NPAS3: variants seen among roughly 807,000 people sequenced by gnomAD.
The protein encoded by NPAS3 is neuronal PAS domain protein 3.
A neutral mutation model predicts 73.1 loss-of-function variants in NPAS3; 14 were observed. The observed-to-expected ratio is 0.19, with a 90% CI of 0.13 to 0.30. The LOEUF (loss-of-function observed/expected upper bound fraction) is 0.30, where lower values mean the gene tolerates loss of function less well. Ranked by LOEUF, NPAS3 falls within the 10% of genes least tolerant of loss-of-function variation. The pLI is 1.00. For synonymous variants in NPAS3, 620 were observed against 541.5 expected, an observed-to-expected ratio of 1.14 and a Z score of -2.01; for missense variants, 1,096 against 1,250.0, an observed-to-expected ratio of 0.88 and a Z score of 1.86.
intron 4 of NPAS3, among the ~76,000 whole-genome samples, chr14:33,433,008 A>C (rs573259748): frequency 3.3e-5 from 5 of 152,214 alleles, no homozygotes; most frequent in Admixed American, 3.3e-4. Context: ...AAATATAGAA[A>C]TCTTTGCTTT....
At chr14:33,492,611 T>C (rs1178821731) in intron 4 of NPAS3, among the ~76,000 whole-genome samples, 3 of 152,186 alleles carry the variant, frequency 2.0e-5, no homozygotes, top group Non-Finnish European at 4.4e-5. Context: ...GAATGTAATA[T>C]GTAAATAGGA....
At chr14:33,342,106 A>C (rs192440935) in intron 3 of NPAS3, among the ~76,000 whole-genome samples, 1 of 152,254 alleles carries the variant, frequency 6.6e-6, no homozygotes, top group East Asian at 1.9e-4. Flanking sequence ...ATTGGGTCTA[A>C]CATATCGCAA....
At chr14:33,410,975 C>A (rs1352735972) in intron 4 of NPAS3, among the ~76,000 whole-genome samples, 6 of 152,112 alleles carry the variant, frequency 3.9e-5, no homozygotes, top group Admixed American at 2.0e-4. Flanking sequence ...TCTAACTCTG[C>A]TCAGTGTTTG....
At chr14:33,707,339 CT>C (rs60633048) in intron 6 of NPAS3, among the ~76,000 whole-genome samples, 15,066 of 95,174 alleles carry the variant, frequency 0.16, 926 homozygotes, top group South Asian at 0.3. Context: ...TCTTTTTCTT[CT>C]TTTTTTTTTT....
chr14:33,521,421 G>C (rs1566969424), intron 4 of NPAS3, among the ~76,000 whole-genome samples: 1 of 151,172 alleles, frequency 6.6e-6, no homozygotes, highest in Non-Finnish European at 1.5e-5. Context: ...TGACAATGGT[G>C]AAGACTTATC....
In NPAS3 at chr14:33,774,491, G is replaced by A. The variant is rs1451127243; in HGVS notation, c.1007G>A (p.Arg336Gln). The A allele has an allele frequency of 1.7e-5, 27 of 1,613,984 alleles. No homozygotes were observed. In the Admixed American group the frequency reaches 3.0e-4, roughly 18 times the overall value. ...ATTGACTGCCATATGTTCGTCACTC[G>A]AGTAAATATGGACCTCAATATCATT... Residue 336 changes from arginine (R) to glutamine (Q), a missense_variant, in exon 8 of 12, where the codon CGA becomes CAA. Arg to Gln is a conservative substitution (Grantham distance 43). This residue lies in a region of NPAS3 where 114 missense variants were observed against 220.3 expected (regional missense o/e 0.52). Coordinates refer to ENST00000356141, the Ensembl canonical transcript of NPAS3.
chr14:33,527,995 C>A (rs1287812900), intron 4 of NPAS3, among the ~76,000 whole-genome samples: 2 of 152,078 alleles, frequency 1.3e-5, no homozygotes, highest in African/African-American at 4.8e-5. Context: ...GGACCTAAAA[C>A]CTGCCACACC....
chr14:33,030,352 A>C (rs1360065613), intron 1 of NPAS3, among the ~76,000 whole-genome samples: 1 of 152,226 alleles, frequency 6.6e-6, no homozygotes, highest in Non-Finnish European at 1.5e-5. Flanking sequence ...TTCAAAGTGC[A>C]GAAAATATTA....
chr14:33,762,423 T>A (rs1299288219), intron 7 of NPAS3, among the ~76,000 whole-genome samples: 1 of 152,216 alleles, frequency 6.6e-6, no homozygotes, highest in Non-Finnish European at 1.5e-5. Context: ...CAAAAAGTAT[T>A]CTTTAAAATA....
chr14:33,207,096 G>A (rs183580107), intron 2 of NPAS3, among the ~76,000 whole-genome samples: 7 of 152,256 alleles, frequency 4.6e-5, no homozygotes, highest in Admixed American at 4.6e-4. Context: ...GCAGGGAATT[G>A]CTGCTTTCTC....
intron 3 of NPAS3, among the ~76,000 whole-genome samples, chr14:33,227,710 G>A (rs181059963): frequency 6.6e-6 from 1 of 152,230 alleles, no homozygotes; most frequent in East Asian, 1.9e-4. Context: ...ATCACAATGG[G>A]GATTTTGACT....
intron 2 of NPAS3, among the ~76,000 whole-genome samples, chr14:33,150,180 C>T (rs1373386058): frequency 6.6e-6 from 1 of 152,164 alleles, no homozygotes; most frequent in Non-Finnish European, 1.5e-5. Flanking sequence ...TTTACCCAGT[C>T]TATCATTATA....
intron 5 of NPAS3, among the ~76,000 whole-genome samples, chr14:33,641,881 A>G (rs1436533852): frequency 6.6e-6 from 1 of 152,154 alleles, no homozygotes; most frequent in Admixed American, 6.5e-5. Context: ...AAATGCAGGT[A>G]TGGTGAGAGT....
chr14:33,610,956 C>G (rs1327309475), intron 5 of NPAS3: 1 of 152,220 alleles, frequency 6.6e-6, no homozygotes, highest in Non-Finnish European at 1.5e-5. Context: ...CGCTGTTTTT[C>G]TCTTCATCCA....
chr14:33,100,690 A>C (rs761399429), intron 2 of NPAS3, among the ~76,000 whole-genome samples: 109 of 152,320 alleles, frequency 7.2e-4, no homozygotes, highest in Middle Eastern at 3.4e-3. Flanking sequence ...GTTCTGGAAC[A>C]TAAATTATTT....
chr14:33,492,875 G>C (rs2051971406), intron 4 of NPAS3, among the ~76,000 whole-genome samples: 1 of 152,162 alleles, frequency 6.6e-6, no homozygotes, highest in Non-Finnish European at 1.5e-5. Flanking sequence ...AGACCTGTTA[G>C]ATTGACCTTT....
At chr14:33,338,370 G>T (rs1389246391) in intron 3 of NPAS3, among the ~76,000 whole-genome samples, 1 of 152,084 alleles carries the variant, frequency 6.6e-6, no homozygotes, top group Non-Finnish European at 1.5e-5. Context: ...AGATCTCAGT[G>T]GTTCCAAATC....
intron 6 of NPAS3, among the ~76,000 whole-genome samples, chr14:33,677,135 G>A (rs1036837690): frequency 1.3e-5 from 2 of 152,306 alleles, no homozygotes; most frequent in South Asian, 4.1e-4. Flanking sequence ...TTCAAACACG[G>A]GGAAGATTGG....
At chr14:33,367,155 T>C in intron 3 of NPAS3, 31 bp from the exon 4 acceptor site, 1 of 820,220 alleles carries the variant, frequency 1.2e-6, no homozygotes, top group South Asian at 1.5e-5. Context: ...AACTTAATTG[T>C]TCTGTTTTCT....
Sources: gnomAD v4.1 joint callset for allele counts (sites outside exome capture counted in the v4.1 genomes callset) on GRCh38, gnomAD v4.1.1 for gene constraint, gnomAD v4.1.1 regional missense constraint, MANE v1.5 for transcripts, NCBI Gene and HGNC (gene_info 2026-07-23, HGNC 2026-07-21) for gene names.